Variants in RABEP1 observed in about 807,000 individuals in gnomAD.
RABEP1 encodes the protein rabaptin, RAB GTPase binding effector protein 1.
Under a neutral mutation model 123.4 loss-of-function variants are expected in RABEP1, and 51 were observed. That is an observed-to-expected ratio of 0.41 (90% CI 0.33 to 0.52). RABEP1 has a LOEUF of 0.52. Among genes scored for constraint, RABEP1 ranks in the 20% least tolerant of loss-of-function variants. The probability of loss-of-function intolerance (pLI) is 0.16; values close to 1 mark genes in which losing one functional copy is unlikely to be tolerated. For missense variants in RABEP1, 888 were observed against 996.3 expected (o/e 0.89, Z 1.46); for synonymous variants, 347 against 355.2 (o/e 0.98, Z 0.26).
At chr17:5,293,447 T>C (rs530571035) in intron 1 of RABEP1, among the ~76,000 whole-genome samples, 8 of 152,334 alleles carry the variant, frequency 5.3e-5, no homozygotes, top group African/African-American at 1.9e-4. Flanking sequence ...ATTTATTTTT[T>C]TGAGACAGGG....
intron 6 of RABEP1, among the ~76,000 whole-genome samples, chr17:5,349,189 G>GTAATATTAGTTTTGCGT: frequency 6.6e-6 from 1 of 152,222 alleles, no homozygotes; most frequent in African/African-American, 2.4e-5. Context: ...CTGGAGAGCG[G>GTAATATTAGTTTTGCGT]TAATATTAGT....
At chr17:5,341,412 AG>A (rs1305063908) in intron 5 of RABEP1, among the ~76,000 whole-genome samples, 2 of 152,262 alleles carry the variant, frequency 1.3e-5, no homozygotes, top group Non-Finnish European at 2.9e-5. Flanking sequence ...AAAACAGGAA[AG>A]GTAGTCAGTA....
At chr17:5,344,948 T>G (rs906622414) in intron 5 of RABEP1, among the ~76,000 whole-genome samples, 13 of 151,324 alleles carry the variant, frequency 8.6e-5, no homozygotes, top group Non-Finnish European at 1.5e-5. Flanking sequence ...GGGCGACAGA[T>G]CGAGACTCCG....
At chr17:5,364,710 CAAAAAAAAAAA>C (rs200314940) in intron 10 of RABEP1, among the ~76,000 whole-genome samples, 5,066 of 112,698 alleles carry the variant, frequency 0.045, 95 homozygotes, top group Middle Eastern at 0.1. Context: ...ACTCTTGTCT[CAAAAAAAAAAA>C]AAAAAAAATT....
At position 5,334,481 on chromosome 17, in the gene RABEP1, C is replaced by G. The variant is rs530533084; in HGVS notation, c.368-703C>G. On this transcript the variant is annotated intron_variant, in intron 3 of 17. Coordinates refer to ENST00000537505, the MANE Select transcript of RABEP1 (RefSeq NM_004703.6). ...TCCTGACCTCAGGTGATCCACCCGC[C>G]TCGGCCTCCCAAAGTGCTGGGATTA... Among the ~76,000 whole-genome samples the G allele has an allele frequency of 5.3e-5, 8 of 152,314 alleles. No individual in the cohort carries two copies. In the East Asian group the frequency reaches 1.2e-3, roughly 22 times the overall value.
chr17:5,321,464 G>T (rs1041703085), intron 2 of RABEP1, among the ~76,000 whole-genome samples: 4 of 151,664 alleles, frequency 2.6e-5, no homozygotes, highest in Non-Finnish European at 5.9e-5. Flanking sequence ...GCAAAAATTA[G>T]CTGGGCATGC....
chr17:5,299,770 G>A (rs1023519866), intron 1 of RABEP1, among the ~76,000 whole-genome samples: 14 of 118,224 alleles, frequency 1.2e-4, no homozygotes, highest in East Asian at 5.5e-4. Context: ...TCTCCTTGTC[G>A]CCAGGCTGGA....
intron 13 of RABEP1, among the ~76,000 whole-genome samples, chr17:5,375,318 C>A (rs548093750): frequency 1.3e-5 from 2 of 152,160 alleles, no homozygotes; most frequent in Non-Finnish European, 2.9e-5. Flanking sequence ...TCCCCAACTT[C>A]TTATCGTCTC....
chr17:5,381,170 T>G (rs1567557014), intron 16 of RABEP1, among the ~76,000 whole-genome samples: 1 of 152,110 alleles, frequency 6.6e-6, no homozygotes, highest in Non-Finnish European at 1.5e-5. Flanking sequence ...ATCCATTTCT[T>G]CCTTTGGCTT....
At chr17:5,362,876 T>A (rs1909675451) in intron 9 of RABEP1, 36 bp from the exon 10 acceptor site, 15 of 1,382,974 alleles carry the variant, frequency 1.1e-5, no homozygotes, top group Non-Finnish European at 1.5e-5. Flanking sequence ...TGTAGAATTG[T>A]TTTGCCTGAT....
In RABEP1 at chr17:5,365,248, G is replaced by A. The variant is rs1468806007; in HGVS notation, c.1785+10G>A. On this transcript the variant is annotated intron_variant, in intron 11 of 17. Coordinates refer to ENST00000537505, the MANE Select transcript of RABEP1 (RefSeq NM_004703.6). Reference sequence around the variant, plus strand: ...AGATTCGAGTCACCAGGTAAGGGAGGGTTTATAGACTGTGGCCCATGAGGG... The same window carrying A: ...AGATTCGAGTCACCAGGTAAGGGAGAGTTTATAGACTGTGGCCCATGAGGG... The A allele has an allele frequency of 6.3e-7, 1 of 1,580,578 alleles. No individual in the cohort carries two copies. The highest frequency in any genetic ancestry group is 1.1e-5 in the South Asian group (1 of 88,352).
At chr17:5,306,355 C>T (rs934607060) in intron 1 of RABEP1, among the ~76,000 whole-genome samples, 18 of 152,112 alleles carry the variant, frequency 1.2e-4, no homozygotes, top group South Asian at 2.1e-4. Flanking sequence ...AGGCCGGGCA[C>T]GGTGGCTCAT....
intron 1 of RABEP1, among the ~76,000 whole-genome samples, chr17:5,299,947 C>T (rs1334750827): frequency 6.6e-6 from 1 of 151,784 alleles, no homozygotes; most frequent in South Asian, 2.1e-4. Context: ...CCAGGATGCT[C>T]TTGATCTCTT....
chr17:5,384,346 GCA>G lies in RABEP1; in HGVS notation c.*1126_*1127del, dbSNP rs537725364. The G allele has an allele frequency of 2.6e-4, 56 of 212,318 alleles. No homozygotes were observed. Among genetic ancestry groups the G allele is most frequent in the African/African-American group, 1.2e-3 (55 of 44,344 alleles). The allele number at this position is 212,318 out of a possible 1,614,324, so 13.2% of individuals were successfully genotyped here. A position where few individuals can be genotyped will look rare whatever the true frequency, so the allele number is the denominator to read the frequency against. ...ATAACTTTATGAAGTGCTACAGAAA[GCA>G]CAAAGAATTGATTCATGTTCATCAA... On this transcript the variant is annotated 3_prime_UTR_variant, in exon 18 of 18. Transcript: ENST00000537505.
At chr17:5,299,725 C>CTTTTCTTTTTTTT (rs2075117657) in intron 1 of RABEP1, among the ~76,000 whole-genome samples, 1 of 104,086 alleles carries the variant, frequency 9.6e-6, no homozygotes, top group Non-Finnish European at 1.8e-5. Flanking sequence ...TTTTCTTTTT[C>CTTTTCTTTTTTTT]TTTTTCTTTT....
chr17:5,287,769 G>A (rs189408011), intron 1 of RABEP1, among the ~76,000 whole-genome samples: 4 of 151,980 alleles, frequency 2.6e-5, no homozygotes, highest in African/African-American at 4.8e-5. Flanking sequence ...AAAATTAGCC[G>A]GGTGTGATGG....
chr17:5,338,463 G>C (rs867053725), intron 5 of RABEP1, among the ~76,000 whole-genome samples: 2 of 152,212 alleles, frequency 1.3e-5, no homozygotes, highest in African/African-American at 4.8e-5. Flanking sequence ...CCAGCCTCGG[G>C]AGGCTGAGGC....
intron 13 of RABEP1, among the ~76,000 whole-genome samples, chr17:5,375,210 ATATG>A (rs1353025816): frequency 4.7e-5 from 7 of 148,438 alleles, no homozygotes; most frequent in Non-Finnish European, 8.9e-5. Context: ...TTTTTCCTAT[ATATG>A]TATTAACATG....
intron 1 of RABEP1, among the ~76,000 whole-genome samples, chr17:5,295,301 A>G (rs1055765283): frequency 6.6e-6 from 1 of 151,630 alleles, no homozygotes; most frequent in Non-Finnish European, 1.5e-5. Context: ...AGGCAGGACA[A>G]TCCCTTGAAC....
Sources: gnomAD v4.1 joint callset for allele counts (sites outside exome capture counted in the v4.1 genomes callset) on GRCh38, gnomAD v4.1.1 for gene constraint, MANE v1.5 for transcripts, NCBI Gene and HGNC (gene_info 2026-07-23, HGNC 2026-07-21) for gene names.